The following ANKS1A variants were observed in gnomAD, a reference collection of about 807,000 sequenced individuals.
The protein encoded by ANKS1A is ankyrin repeat and sterile alpha motif domain containing 1A.
Under a neutral mutation model 120.3 loss-of-function variants are expected in ANKS1A, and 55 were observed. The observed-to-expected ratio is 0.46, with a 90% CI of 0.37 to 0.57. The LOEUF (loss-of-function observed/expected upper bound fraction) is 0.57. Among genes scored for constraint, ANKS1A ranks in the 20% least tolerant of loss-of-function variants. The pLI is 0.00. For missense variants in ANKS1A, 1,123 were observed against 1,480.3 expected (o/e 0.76, Z 3.96); for synonymous variants, 590 against 604.7 (o/e 0.98, Z 0.36).
intron 1 of ANKS1A, among the ~76,000 whole-genome samples, chr6:34,923,859 G>T (rs1002555645): frequency 1.3e-5 from 2 of 152,140 alleles, no homozygotes; most frequent in African/African-American, 4.8e-5. Flanking sequence ...GCTCAGGACC[G>T]CTCCCCATGG....
At chr6:34,968,564 A>C (rs1771009790) in intron 2 of ANKS1A, among the ~76,000 whole-genome samples, 1 of 152,034 alleles carries the variant, frequency 6.6e-6, no homozygotes, top group South Asian at 2.1e-4. Flanking sequence ...CAGCCTCCTG[A>C]GTAGCTGGGA....
intron 1 of ANKS1A, among the ~76,000 whole-genome samples, chr6:34,943,202 G>T (rs900949622): frequency 6.6e-6 from 1 of 152,156 alleles, no homozygotes; most frequent in African/African-American, 2.4e-5. Context: ...TGATCATTCT[G>T]CCTTGGCCTC....
intron 10 of ANKS1A, among the ~76,000 whole-genome samples, chr6:35,008,842 G>A (rs1042704177): frequency 1.3e-5 from 2 of 152,172 alleles, no homozygotes; most frequent in Non-Finnish European, 2.9e-5. Flanking sequence ...CTTTATTAAC[G>A]AAATCACACT....
chr6:35,045,332 T>C (rs1211988782), intron 11 of ANKS1A, among the ~76,000 whole-genome samples: 1 of 152,188 alleles, frequency 6.6e-6, no homozygotes, highest in Admixed American at 6.5e-5. Context: ...TTGAGGAAAC[T>C]GAATCTTAAG....
chr6:35,028,540 C>G (rs1163048285), intron 11 of ANKS1A, among the ~76,000 whole-genome samples: 4 of 151,944 alleles, frequency 2.6e-5, no homozygotes, highest in African/African-American at 9.7e-5. Flanking sequence ...TTAAAGGTAC[C>G]AAAGACTATA....
rs1031552987 is a variant in ANKS1A at position 34,968,530 on chromosome 6, C to T, written c.278+1211C>T. 3.3e-5 allele frequency among the ~76,000 whole-genome samples: 5 copies of T among 152,092 alleles called. No individual in the cohort carries two copies. In the East Asian group the frequency reaches 5.8e-4, roughly 18 times the overall value. On this transcript the variant is annotated intron_variant, in intron 2 of 23. Coordinates refer to ENST00000360359, the MANE Select transcript of ANKS1A (RefSeq NM_015245.3). ...TTGGCTCACTGCAACCTCCACCTCC[C>T]GGGTTCAAGCAATTCTCCTGCCTCA...
intron 10 of ANKS1A, 25 bp downstream of exon 10, chr6:34,994,447 G>T: frequency 6.2e-7 from 1 of 1,606,186 alleles, no homozygotes; most frequent in South Asian, 1.1e-5. Flanking sequence ...ACTCCTGGCA[G>T]AACCAACTCC....
chr6:35,051,651 C>T (rs1341782828), intron 11 of ANKS1A, among the ~76,000 whole-genome samples: 4 of 152,176 alleles, frequency 2.6e-5, no homozygotes, highest in East Asian at 1.9e-4. Context: ...AAATAAAATA[C>T]GCTTGATGCC....
intron 1 of ANKS1A, among the ~76,000 whole-genome samples, chr6:34,903,550 T>A (rs1767476001): frequency 6.6e-6 from 1 of 151,828 alleles, no homozygotes; most frequent in Non-Finnish European, 1.5e-5. Context: ...CAGGCTGGAG[T>A]GCAGTGGTGT....
intron 10 of ANKS1A, among the ~76,000 whole-genome samples, chr6:35,011,759 T>G (rs1773769601): frequency 6.6e-6 from 1 of 152,208 alleles, no homozygotes; most frequent in South Asian, 2.1e-4. Flanking sequence ...CCAGCCTCTC[T>G]GTGCAGTGTT....
chr6:35,038,457 GATTAT>G (rs1775291591), intron 11 of ANKS1A, among the ~76,000 whole-genome samples: 1 of 152,068 alleles, frequency 6.6e-6, no homozygotes. Flanking sequence ...CCTTTATTCT[GATTAT>G]GTTCATTCTT....
At chr6:34,915,560 T>C (rs1395672483) in intron 1 of ANKS1A, among the ~76,000 whole-genome samples, 1 of 152,200 alleles carries the variant, frequency 6.6e-6, no homozygotes, top group Non-Finnish European at 1.5e-5. Flanking sequence ...CTGCCCAGGC[T>C]GGTCTTAAAC....
chr6:35,088,803 A>T lies in ANKS1A; in HGVS notation c.*194A>T. 1.3e-6 allele frequency: 2 copies of T among 1,504,006 alleles called. No homozygotes were observed. Among genetic ancestry groups the T allele is most frequent in the Non-Finnish European group, 1.8e-6 (2 of 1,127,564 alleles). The allele number at this position is 1,504,006 out of a possible 1,614,324, so 93.2% of individuals were successfully genotyped here. On this transcript the variant is annotated 3_prime_UTR_variant, in exon 24 of 24. Coordinates refer to ENST00000360359, the MANE Select transcript of ANKS1A (RefSeq NM_015245.3). ...AGAACGAGCCCTGCCTTGGCTGTGG[A>T]GAAGCACTCCAGGCCGCTAGCAGAT...
chr6:34,934,182 T>C (rs1161724274), intron 1 of ANKS1A, among the ~76,000 whole-genome samples: 1 of 152,072 alleles, frequency 6.6e-6, no homozygotes, highest in Non-Finnish European at 1.5e-5. Context: ...GAGTCTTGCT[T>C]TGTCACCCAG....
At chr6:34,911,988 C>G (rs184089902) in intron 1 of ANKS1A, among the ~76,000 whole-genome samples, 1 of 152,108 alleles carries the variant, frequency 6.6e-6, no homozygotes, top group Admixed American at 6.5e-5. Flanking sequence ...TTAATACTTT[C>G]GCAATAACAC....
Position 35,005,839 on chromosome 6 carries a change from G to A in ANKS1A, c.1423+11417G>A, listed in dbSNP as rs140560834. On this transcript the variant is annotated intron_variant, in intron 10 of 23. Coordinates refer to ENST00000360359, the MANE Select transcript of ANKS1A (RefSeq NM_015245.3). ...ACCCCAAGGTGGGTGGATCACTTGA[G>A]GTCAGGAGTTTGAGACCAGCCTGGC... is the stretch of plus-strand genomic sequence containing the variant. The A allele has an allele frequency of 8.9e-4, 357 of 402,632 alleles. 2 individuals are homozygous for A. Among genetic ancestry groups the A allele is most frequent in the African/African-American group, 6.5e-3 (299 of 46,266 alleles). 24.9% of individuals were successfully genotyped at this position (402,632 alleles called of 1,614,324 possible). A position where few individuals can be genotyped will look rare whatever the true frequency, so the allele number is the denominator to read the frequency against.
intron 11 of ANKS1A, among the ~76,000 whole-genome samples, chr6:35,033,027 T>C (rs9462041): frequency 0.013 from 2,001 of 152,320 alleles, 41 homozygotes; most frequent in African/African-American, 0.042. Flanking sequence ...TCACTGCCCG[T>C]TCCTGCCTCC....
At position 35,081,139 on chromosome 6, in the gene ANKS1A, C is replaced by G. The variant is rs779234201; in HGVS notation, c.2690C>G (p.Ala897Gly). The G allele has an allele frequency of 1.9e-5, 30 of 1,611,066 alleles. No individual in the cohort carries two copies. Among genetic ancestry groups the G allele is most frequent in the Non-Finnish European group, 2.5e-5 (30 of 1,178,966 alleles). Residue 897 changes from alanine (A) to glycine (G), a missense_variant, in exon 17 of 24, where the codon GCG becomes GGG. Physicochemically the swap from Ala to Gly is moderately conservative, Grantham distance 60. Coordinates refer to ENST00000360359, the MANE Select transcript of ANKS1A (RefSeq NM_015245.3). Reference protein sequence around the residue: ...SLHDPAAPSRAERFRIQEEHR... With the variant: ...SLHDPAAPSRGERFRIQEEHR... ...CATGACCCTGCGGCACCCTCCCGAG[C>G]GGAGCGCTTCAGGATCCAGGTGGGG...
downstream of ANKS1A, among the ~76,000 whole-genome samples, chr6:35,093,494 A>G (rs2127623235): frequency 6.6e-6 from 1 of 152,354 alleles, no homozygotes; most frequent in Middle Eastern, 3.4e-3. Flanking sequence ...AAAAGGATTA[A>G]TATATTTGAG....
Sources: allele counts gnomAD v4.1 joint callset (sites outside exome capture counted in the v4.1 genomes callset), GRCh38; gene constraint gnomAD v4.1.1; transcripts MANE v1.5; gene names NCBI Gene and HGNC (gene_info 2026-07-23, HGNC 2026-07-21).